The following ZBTB20 variants were observed in gnomAD, a reference collection of about 807,000 sequenced individuals.
The protein encoded by ZBTB20 is zinc finger and BTB domain containing 20.
In ZBTB20, 9 loss-of-function variants were observed where a neutral mutation model predicts 56.9. The ratio of observed to expected loss-of-function variants is 0.16; its 90% CI spans 0.10 to 0.28. The LOEUF (loss-of-function observed/expected upper bound fraction) is 0.28. Among genes scored for constraint, ZBTB20 ranks in the 10% least tolerant of loss-of-function variants. The probability of loss-of-function intolerance (pLI) is 1.00; values close to 1 mark genes in which losing one functional copy is unlikely to be tolerated. For synonymous variants in ZBTB20, 417 were observed against 420.7 expected (o/e 0.99, Z 0.11); for missense variants, 655 against 1,003.0 (o/e 0.65, Z 4.69).
At chr3:114,891,133 C>T (rs641869) in intron 4 of ZBTB20, among the ~76,000 whole-genome samples, 147,970 of 152,260 alleles carry the variant, frequency 0.97, 72,063 homozygotes, top group East Asian at 1. Flanking sequence ...ATTGGTATGG[C>T]TGTCAAAGTA....
chr3:114,999,002 G>T (rs184174374), intron 2 of ZBTB20, among the ~76,000 whole-genome samples: 16 of 141,138 alleles, frequency 1.1e-4, no homozygotes, highest in African/African-American at 3.6e-4. Flanking sequence ...GAGGGAAAAG[G>T]AGGGGAAAGG....
intron 4 of ZBTB20, among the ~76,000 whole-genome samples, chr3:114,893,578 C>G (rs1018580790): frequency 6.6e-6 from 1 of 152,124 alleles, no homozygotes; most frequent in South Asian, 2.1e-4. Context: ...CACAACACAC[C>G]TACAAGTGAA....
intron 6 of ZBTB20, among the ~76,000 whole-genome samples, chr3:114,538,723 A>G (rs868023424): frequency 2.4e-4 from 36 of 152,314 alleles, no homozygotes; most frequent in Middle Eastern, 3.4e-3. Flanking sequence ...GCATTCTGTC[A>G]TCTTATTCAA....
Position 114,553,828 on chromosome 3 carries a change from G to C in ZBTB20, c.-294-53437C>G, listed in dbSNP as rs571259934. ...AACAATAAAACTCATTCACTCCCAT[G>C]CTAGGTTCTGCAAAATAGCTTCCAT... On this transcript the variant is annotated intron_variant, in intron 6 of 11. Coordinates refer to ENST00000675478, the MANE Select transcript of ZBTB20 (RefSeq NM_001348800.3). 2.2e-4 allele frequency among the ~76,000 whole-genome samples: 33 copies of C among 152,222 alleles called. 2 individuals are homozygous for C. In the South Asian group the frequency reaches 6.8e-3, roughly 32 times the overall value.
chr3:114,509,337 T>C (rs1289643801), intron 6 of ZBTB20, among the ~76,000 whole-genome samples: 1 of 151,956 alleles, frequency 6.6e-6, no homozygotes, highest in African/African-American at 2.4e-5. Flanking sequence ...TTAGGGGAAT[T>C]TGCATTTTCT....
chr3:115,033,145 C>T (rs974654518), intron 2 of ZBTB20, among the ~76,000 whole-genome samples: 1 of 150,974 alleles, frequency 6.6e-6, no homozygotes, highest in Non-Finnish European at 1.5e-5. Flanking sequence ...AAAGAGAAGA[C>T]TCAAATTACA....
chr3:114,921,628 A>G (rs2075962262), intron 3 of ZBTB20, among the ~76,000 whole-genome samples: 1 of 147,996 alleles, frequency 6.8e-6, no homozygotes. Context: ...AAAACCAAAC[A>G]CCGCATGTCC....
At chr3:114,423,362 G>A (rs1437281503) in intron 7 of ZBTB20, among the ~76,000 whole-genome samples, 2 of 152,144 alleles carry the variant, frequency 1.3e-5, no homozygotes, top group African/African-American at 4.8e-5. Flanking sequence ...CAAATAAAAT[G>A]CTTATAAAAG....
chr3:114,431,478 A>C (rs575862594), intron 7 of ZBTB20, among the ~76,000 whole-genome samples: 2 of 152,342 alleles, frequency 1.3e-5, no homozygotes, highest in Non-Finnish European at 2.9e-5. Context: ...TCTAAGATTA[A>C]ATGTACTACG....
intron 6 of ZBTB20, among the ~76,000 whole-genome samples, chr3:114,544,477 CTTTT>C (rs869149227): frequency 3.4e-5 from 3 of 88,172 alleles, no homozygotes; most frequent in Admixed American, 1.3e-4. Context: ...TTCTTTCTTT[CTTTT>C]TCTTTCACTT....
chr3:115,019,383 T>C (rs1328862862), intron 2 of ZBTB20, among the ~76,000 whole-genome samples: 1 of 151,290 alleles, frequency 6.6e-6, no homozygotes. Context: ...TATAATTACC[T>C]GGGATTTAGT....
chr3:114,997,720 G>T (rs747344095), intron 2 of ZBTB20, among the ~76,000 whole-genome samples: 22 of 151,826 alleles, frequency 1.4e-4, no homozygotes, highest in Non-Finnish European at 3.1e-4. Flanking sequence ...TAGGTAAACA[G>T]ATTAGTCTTT....
chr3:115,146,159 A>C (rs2084961448), intron 1 of ZBTB20, among the ~76,000 whole-genome samples: 1 of 152,232 alleles, frequency 6.6e-6, no homozygotes, highest in African/African-American at 2.4e-5. Context: ...GAGAGCTGTC[A>C]TCCTGCTACT....
intron 7 of ZBTB20, among the ~76,000 whole-genome samples, chr3:114,432,306 A>G (rs763207411): frequency 6.6e-6 from 1 of 152,226 alleles, no homozygotes; most frequent in Non-Finnish European, 1.5e-5. Flanking sequence ...CAGTGCAAAG[A>G]AAAAGCTTGG....
intron 6 of ZBTB20, among the ~76,000 whole-genome samples, chr3:114,586,880 G>GA (rs11378353): frequency 0.094 from 14,218 of 151,544 alleles, 769 homozygotes; most frequent in African/African-American, 0.14. Flanking sequence ...AGTGCCTTCA[G>GA]ACTCAAGAAC....
intron 5 of ZBTB20, among the ~76,000 whole-genome samples, chr3:114,731,366 T>C (rs1029403633): frequency 6.6e-6 from 1 of 152,194 alleles, no homozygotes; most frequent in African/African-American, 2.4e-5. Flanking sequence ...AGGCAATATC[T>C]TGCATTTATC....
chr3:114,420,052 T>C (rs1254522282), intron 7 of ZBTB20, among the ~76,000 whole-genome samples: 1 of 152,094 alleles, frequency 6.6e-6, no homozygotes, highest in Non-Finnish European at 1.5e-5. Context: ...CTTGTAAACT[T>C]AAAAAGAGCA....
intron 4 of ZBTB20, among the ~76,000 whole-genome samples, chr3:114,883,758 T>C (rs1311236816): frequency 6.6e-6 from 1 of 151,932 alleles, no homozygotes; most frequent in Non-Finnish European, 1.5e-5. Flanking sequence ...ACAAATTATA[T>C]GGTCATATCT....
chr3:114,992,026 T>TA (rs913937281), intron 2 of ZBTB20, among the ~76,000 whole-genome samples: 1 of 151,828 alleles, frequency 6.6e-6, no homozygotes, highest in Non-Finnish European at 1.5e-5. Context: ...CTTTCTCTCC[T>TA]AAACTTTTTT....
Sources: gnomAD v4.1 joint callset for allele counts (sites outside exome capture counted in the v4.1 genomes callset) on GRCh38, gnomAD v4.1.1 for gene constraint, MANE v1.5 for transcripts, NCBI Gene and HGNC (gene_info 2026-07-23, HGNC 2026-07-21) for gene names.